MACROD2: variants seen among roughly 807,000 people sequenced by gnomAD.
The protein encoded by MACROD2 is mono-ADP ribosylhydrolase 2.
In MACROD2, 36 loss-of-function variants were observed where a neutral mutation model predicts 70.4. That is an observed-to-expected ratio of 0.51 (90% CI 0.39 to 0.68). MACROD2 has a LOEUF of 0.68. MACROD2 is among the 30% of genes least tolerant of loss of function. The pLI is 0.00. For missense variants in MACROD2, 496 were observed against 538.4 expected, an observed-to-expected ratio of 0.92 and a Z score of 0.78; for synonymous variants, 172 against 178.8, an observed-to-expected ratio of 0.96 and a Z score of 0.30.
intron 5 of MACROD2, among the ~76,000 whole-genome samples, chr20:15,094,922 T>C (rs2075817550): frequency 6.6e-6 from 1 of 152,014 alleles, no homozygotes; most frequent in Non-Finnish European, 1.5e-5. Context: ...GAGATCTGGG[T>C]CAAGTTTTAG....
At chr20:14,488,597 A>G (rs1256797735) in intron 3 of MACROD2, among the ~76,000 whole-genome samples, 1 of 152,184 alleles carries the variant, frequency 6.6e-6, no homozygotes, top group African/African-American at 2.4e-5. Flanking sequence ...GCTGCAATAC[A>G]CACACAGAGA....
chr20:14,181,092 GTC>G (rs947854602), intron 3 of MACROD2, among the ~76,000 whole-genome samples: 4 of 148,554 alleles, frequency 2.7e-5, no homozygotes, highest in Non-Finnish European at 5.9e-5. Flanking sequence ...TTTAGACAGG[GTC>G]TCTCTCTCTG....
rs149763423 is a variant in MACROD2 at position 14,039,056 on chromosome 20, G to A, written c.163+36652G>A. Among the ~76,000 whole-genome samples the A allele has an allele frequency of 2.8e-3, 420 of 151,932 alleles. 4 individuals carry two copies. The highest frequency in any genetic ancestry group is 9.9e-3 in the African/African-American group (409 of 41,456). On this transcript the variant is annotated intron_variant, in intron 2 of 17. Transcript: ENST00000684519. ...TAACATATGTATGTGTTTTTACCAG[G>A]GTGTTTGTGAAGCTACACATAAAAG...
At chr20:14,668,909 T>C (rs2070765716) in intron 4 of MACROD2, among the ~76,000 whole-genome samples, 1 of 152,136 alleles carries the variant, frequency 6.6e-6, no homozygotes, top group Non-Finnish European at 1.5e-5. Context: ...GAATAATTTT[T>C]TCCTGTAAAA....
chr20:14,055,773 C>T (rs2053625246), intron 2 of MACROD2, among the ~76,000 whole-genome samples: 1 of 151,616 alleles, frequency 6.6e-6, no homozygotes. Context: ...TGTCCCTTCT[C>T]CTCTTATATA....
intron 15 of MACROD2, among the ~76,000 whole-genome samples, chr20:16,016,280 C>A (rs1313109215): frequency 6.6e-6 from 1 of 152,128 alleles, no homozygotes; most frequent in East Asian, 1.9e-4. Flanking sequence ...GACAATAACT[C>A]CCAAATCTTG....
In MACROD2 at chr20:14,901,312, CA is replaced by C. The variant is rs572612203; in HGVS notation, c.418+216357del. Among the ~76,000 whole-genome samples, 345 of 152,062 alleles carry C rather than the reference CA, an allele frequency of 2.3e-3. 2 individuals are homozygous for C. The highest frequency in any genetic ancestry group is 4.0e-3 in the Non-Finnish European group (274 of 67,932). ...ATAGAGTGCCTATAATCCTTTAATT[CA>C]AAACAGTTGTTTTCATTTTCCAATA... On this transcript the variant is annotated intron_variant, in intron 5 of 17. Coordinates refer to ENST00000684519, the MANE Select transcript of MACROD2 (RefSeq NM_001351661.2).
At chr20:15,850,921 G>A (rs1243815183) in intron 8 of MACROD2, among the ~76,000 whole-genome samples, 1 of 152,146 alleles carries the variant, frequency 6.6e-6, no homozygotes, top group African/African-American at 2.4e-5. Context: ...TCAGCCAAAT[G>A]CTAAATATGG....
rs77549129 is a variant in MACROD2, at chr20:14,632,862, G to T, written c.302-51981G>T. Reference sequence around the variant, plus strand: ...CATTGTCTTGATTATCACCATTTAGGCATATATTGAAAGTTCTCATTTAAG... The same window carrying T: ...CATTGTCTTGATTATCACCATTTAGTCATATATTGAAAGTTCTCATTTAAG... On this transcript the variant is annotated intron_variant, in intron 4 of 17. Coordinates refer to ENST00000684519, the MANE Select transcript of MACROD2 (RefSeq NM_001351661.2). Among the ~76,000 whole-genome samples, 1,453 of 152,218 alleles carry T rather than the reference G, an allele frequency of 9.5e-3. 65 individuals carry two copies. The East Asian group carries it at 0.15, about 16-fold the overall frequency.
chr20:15,343,920 TC>T (rs1297560105), intron 6 of MACROD2, among the ~76,000 whole-genome samples: 9 of 152,184 alleles, frequency 5.9e-5, no homozygotes, highest in Admixed American at 5.9e-4. Flanking sequence ...TCTACATATC[TC>T]CTTTAAATAT....
At chr20:15,510,729 A>G (rs2047487566) in intron 8 of MACROD2, among the ~76,000 whole-genome samples, 1 of 152,204 alleles carries the variant, frequency 6.6e-6, no homozygotes, top group South Asian at 2.1e-4. Flanking sequence ...TCAATGGAAA[A>G]CATACTGGAA....
intron 7 of MACROD2, among the ~76,000 whole-genome samples, chr20:15,434,764 A>T (rs1332059910): frequency 1.3e-5 from 2 of 152,182 alleles, no homozygotes; most frequent in Non-Finnish European, 2.9e-5. Context: ...ATATGGAACC[A>T]ACCTAAATGC....
At chr20:15,045,726 T>TG (rs1403827980) in intron 5 of MACROD2, among the ~76,000 whole-genome samples, 1 of 144,830 alleles carries the variant, frequency 6.9e-6, no homozygotes, top group African/African-American at 2.5e-5. Context: ...AGGGTTTTTT[T>TG]TTTTTTTTTT....
At chr20:14,400,806 T>C (rs930170521) in intron 3 of MACROD2, among the ~76,000 whole-genome samples, 1 of 152,202 alleles carries the variant, frequency 6.6e-6, no homozygotes, top group Non-Finnish European at 1.5e-5. Flanking sequence ...AGTGTATATC[T>C]GGTTCCTGTT....
At chr20:14,628,073 A>AAAT (rs2123467480) in intron 4 of MACROD2, among the ~76,000 whole-genome samples, 1 of 152,336 alleles carries the variant, frequency 6.6e-6, no homozygotes, top group East Asian at 1.9e-4. Context: ...ATAAGTAGGA[A>AAAT]ATAGGTAGGT....
rs150206250 is a variant in MACROD2 at position 14,058,850 on chromosome 20, G to A, written c.164-26771G>A. On this transcript the variant is annotated intron_variant, in intron 2 of 17. Transcript: ENST00000684519. The stretch of plus-strand genomic sequence containing the variant: ...GTAGAGACGAGGTTTCACAATGTTG[G>A]CCAGGATGGTCTCGATCTCTTGACC... 3.9e-3 allele frequency among the ~76,000 whole-genome samples: 591 copies of A among 152,028 alleles called. 2 individuals carry two copies. The highest frequency in any genetic ancestry group is 0.014 in the Middle Eastern group (4 of 294).
chr20:14,306,380 T>C (rs931069549), intron 3 of MACROD2, among the ~76,000 whole-genome samples: 2 of 152,126 alleles, frequency 1.3e-5, no homozygotes, highest in Admixed American at 1.3e-4. Context: ...TTCTGTGTTG[T>C]GCTGTTAGAG....
At chr20:14,381,039 C>G (rs1329154090) in intron 3 of MACROD2, among the ~76,000 whole-genome samples, 24 of 152,124 alleles carry the variant, frequency 1.6e-4, no homozygotes, top group Admixed American at 1.6e-3. Context: ...TAGTTCATCT[C>G]CTGATTTATA....
At chr20:15,629,077 G>T (rs553991910) in intron 8 of MACROD2, among the ~76,000 whole-genome samples, 173 of 152,222 alleles carry the variant, frequency 1.1e-3, no homozygotes, top group African/African-American at 3.9e-3. Context: ...GAATACTCTT[G>T]TATTCATACT....
Sources: gnomAD v4.1 joint callset for allele counts (sites outside exome capture counted in the v4.1 genomes callset) on GRCh38, gnomAD v4.1.1 for gene constraint, MANE v1.5 for transcripts, NCBI Gene and HGNC (gene_info 2026-07-23, HGNC 2026-07-21) for gene names.